Variants in ADAMTS2 observed in about 807,000 individuals in gnomAD.
The protein encoded by ADAMTS2 is ADAM metallopeptidase with thrombospondin type 1 motif 2.
In ADAMTS2, 50 loss-of-function variants were observed where a neutral mutation model predicts 123.0. That is an observed-to-expected ratio of 0.41 (90% confidence interval 0.32 to 0.51). The LOEUF (loss-of-function observed/expected upper bound fraction) is 0.51, where lower values mean the gene tolerates loss of function less well. Among genes scored for constraint, ADAMTS2 ranks in the 20% least tolerant of loss-of-function variants. The pLI is 0.35. For synonymous variants in ADAMTS2, 678 were observed against 695.4 expected, an observed-to-expected ratio of 0.98 and a Z score of 0.39; for missense variants, 1,494 against 1,705.2, an observed-to-expected ratio of 0.88 and a Z score of 2.18.
rs1408828152 is a variant in ADAMTS2, at chr5:179,260,583, T to C, written c.688+12328A>G. Among the ~76,000 whole-genome samples, 1 of 152,096 alleles carries C rather than the reference T, an allele frequency of 6.6e-6. No individual in the cohort carries two copies. The highest frequency in any genetic ancestry group is 1.5e-5 in the Non-Finnish European group (1 of 68,008). Reference sequence around the variant, plus strand: ...GGACAGGAGGGCACTGCACTGGGTGTCAGCAGCCCTGGGTTCTAAGCCTGC... The same window carrying C: ...GGACAGGAGGGCACTGCACTGGGTGCCAGCAGCCCTGGGTTCTAAGCCTGC... On this transcript the variant is annotated intron_variant, in intron 3 of 21. Coordinates refer to ENST00000251582, the MANE Select transcript of ADAMTS2 (RefSeq NM_014244.5). The surrounding 1 kb of genome is among the most constrained non-coding windows in gnomAD (Gnocchi z 4.2).
At chr5:179,336,192 T>A (rs1354082392) in intron 2 of ADAMTS2, among the ~76,000 whole-genome samples, 1 of 152,140 alleles carries the variant, frequency 6.6e-6, no homozygotes. Context: ...CCCCGCCTCC[T>A]GGGCCACGAC....
chr5:179,250,844 G>A (rs535572350), intron 3 of ADAMTS2, among the ~76,000 whole-genome samples: 3 of 152,212 alleles, frequency 2.0e-5, no homozygotes, highest in South Asian at 2.1e-4. Flanking sequence ...TAGCAGCCTC[G>A]GCTTGTCTTC....
intron 2 of ADAMTS2, among the ~76,000 whole-genome samples, chr5:179,305,456 A>G (rs1008907933): frequency 2.0e-5 from 3 of 152,208 alleles, no homozygotes; most frequent in Non-Finnish European, 4.4e-5. Flanking sequence ...TAAAATATTG[A>G]TTTGAAAAAG....
At position 179,303,665 on chromosome 5, in the gene ADAMTS2, G is replaced by A. The variant is rs909424900; in HGVS notation, c.535-30601C>T. On this transcript the variant is annotated intron_variant, in intron 2 of 21. Coordinates refer to ENST00000251582, the MANE Select transcript of ADAMTS2 (RefSeq NM_014244.5). This position sits in a 1 kb window ranked among gnomAD's most constrained non-coding sequence, Gnocchi z 4.7. ...TTCCTATTTCCTTTTTCTTTTCTTC[G>A]TGTTCTCACACGCCAGCTCATGGCA... Among the ~76,000 whole-genome samples, 17 of 152,036 alleles carry A rather than the reference G, an allele frequency of 1.1e-4. No individual in the cohort carries two copies. The highest frequency in any genetic ancestry group is 4.2e-4 in the South Asian group (2 of 4,812).
At chr5:179,127,779 A>G (rs1260275448) in intron 17 of ADAMTS2, among the ~76,000 whole-genome samples, 180 bp downstream of exon 17, 4 of 150,670 alleles carry the variant, frequency 2.7e-5, no homozygotes, top group Admixed American at 2.6e-4. Context: ...ATGCCCCAGC[A>G]CCCCCCTTCC....
intron 3 of ADAMTS2, among the ~76,000 whole-genome samples, chr5:179,257,091 C>T (rs763571723): frequency 1.3e-5 from 2 of 152,220 alleles, no homozygotes; most frequent in Non-Finnish European, 2.9e-5. Context: ...CCCGGGGTCT[C>T]TGTCACCAAG....
At chr5:179,151,897 G>A (rs983861858) in intron 10 of ADAMTS2, among the ~76,000 whole-genome samples, 1 of 152,180 alleles carries the variant, frequency 6.6e-6, no homozygotes, top group Admixed American at 6.5e-5. Flanking sequence ...ATTCCTGAGT[G>A]GGGGGCATGA....
rs144835378 is a variant in ADAMTS2 at position 179,282,514 on chromosome 5, C to T, written c.535-9450G>A. On this transcript the variant is annotated intron_variant, in intron 2 of 21. Transcript: ENST00000251582. ...TGTCTATCCTTCTGCCAACACCACACAGTCTTGATTACTACAGCTTTGTAG... is the reference window on the plus strand; with the variant it reads ...TGTCTATCCTTCTGCCAACACCACATAGTCTTGATTACTACAGCTTTGTAG... 2.7e-3 allele frequency among the ~76,000 whole-genome samples: 406 copies of T among 152,320 alleles called. 1 individual carries two copies. The highest frequency in any genetic ancestry group is 3.3e-3 in the Non-Finnish European group (224 of 68,020).
At chr5:179,154,438 G>C (rs1165587087) in intron 7 of ADAMTS2, among the ~76,000 whole-genome samples, 2 of 152,170 alleles carry the variant, frequency 1.3e-5, no homozygotes, top group African/African-American at 2.4e-5. Flanking sequence ...ACACCTGGGG[G>C]GGACCGTGGC....
In ADAMTS2 at chr5:179,154,083, G is replaced by A. The variant is rs763732574; in HGVS notation, c.1348C>T (p.Arg450Cys). The A allele has an allele frequency of 1.5e-5, 24 of 1,604,672 alleles. No individual in the cohort carries two copies. Among genetic ancestry groups the A allele is most frequent in the Non-Finnish European group, 2.0e-5 (24 of 1,178,386 alleles). Residue 450 changes from arginine to cysteine, a missense_variant, in exon 8 of 22, where the codon CGC becomes TGC. Coordinates refer to ENST00000251582, the MANE Select transcript of ADAMTS2 (RefSeq NM_014244.5). The part of the protein sequence containing the change: ...QAAFHRFHWS[R>C]CSQQELSRYL... ...CGGCTCAGCTCCTGCTGGCTGCAGC[G>A]GGACCAGTGGAAGCGGTGGAAGGCG...
chr5:179,140,981 T>TA (rs201569824), intron 10 of ADAMTS2, among the ~76,000 whole-genome samples: 4 of 151,708 alleles, frequency 2.6e-5, no homozygotes, highest in African/African-American at 9.7e-5. Flanking sequence ...TGCATTTTTT[T>TA]TTTTTTTATT....
intron 4 of ADAMTS2, among the ~76,000 whole-genome samples, chr5:179,196,641 C>T (rs1420438771): frequency 5.9e-5 from 9 of 152,332 alleles, no homozygotes; most frequent in African/African-American, 4.8e-5. Flanking sequence ...TTCCCTAATA[C>T]GTACACCCAC....
intron 15 of ADAMTS2, among the ~76,000 whole-genome samples, chr5:179,131,023 T>C (rs528603692): frequency 6.6e-6 from 1 of 152,120 alleles, no homozygotes; most frequent in South Asian, 2.1e-4. Flanking sequence ...GAAAGTTTCC[T>C]CTTAAGAGGC....
At chr5:179,116,736 G>T (rs1346795409) in intron 21 of ADAMTS2, among the ~76,000 whole-genome samples, 1 of 152,086 alleles carries the variant, frequency 6.6e-6, no homozygotes, top group East Asian at 1.9e-4. Context: ...GCAATTTCCA[G>T]GCAAGAAGAA....
chr5:179,166,878 T>TG (rs1221458109), intron 5 of ADAMTS2, among the ~76,000 whole-genome samples: 1 of 152,202 alleles, frequency 6.6e-6, no homozygotes, highest in East Asian at 1.9e-4. Context: ...TCCCGGCTTC[T>TG]GCTCTCCATG....
intron 10 of ADAMTS2, among the ~76,000 whole-genome samples, chr5:179,146,043 C>G (rs1239488854): frequency 6.6e-6 from 1 of 152,130 alleles, no homozygotes; most frequent in African/African-American, 2.4e-5. Context: ...TTAGCAGAGA[C>G]AGGGTTTCAC....
chr5:179,258,391 G>A (rs1766125439), intron 3 of ADAMTS2, among the ~76,000 whole-genome samples: 1 of 152,122 alleles, frequency 6.6e-6, no homozygotes, highest in East Asian at 1.9e-4. Flanking sequence ...TTTTTGCCCT[G>A]CTGGACGTCG....
intron 2 of ADAMTS2, among the ~76,000 whole-genome samples, chr5:179,340,232 T>A (rs1476987233): frequency 8.5e-5 from 13 of 152,222 alleles, no homozygotes; most frequent in Non-Finnish European, 1.9e-4. Flanking sequence ...GGAGGCTTCA[T>A]CCACTGCTGC....
At chr5:179,199,834 A>G (rs1250011907) in intron 4 of ADAMTS2, among the ~76,000 whole-genome samples, 1 of 152,236 alleles carries the variant, frequency 6.6e-6, no homozygotes, top group Non-Finnish European at 1.5e-5. Context: ...TAGAAGCTAA[A>G]TGCTCTAATA....
Sources: allele counts gnomAD v4.1 joint callset (sites outside exome capture counted in the v4.1 genomes callset), GRCh38; gene constraint gnomAD v4.1.1; non-coding constraint Gnocchi (gnomAD v3.1); transcripts MANE v1.5; gene names NCBI Gene and HGNC (gene_info 2026-07-23, HGNC 2026-07-21).